The following ANK3 variants were observed in gnomAD, a reference collection of about 807,000 sequenced individuals.
ANK3 encodes the protein ankyrin 3.
A neutral mutation model predicts 370.9 loss-of-function variants in ANK3; 57 were observed. The ratio of observed to expected loss-of-function variants is 0.15; its 90% confidence interval spans 0.12 to 0.19. The LOEUF is 0.19. ANK3 is among the 10% of genes least tolerant of loss of function. The pLI, the probability that ANK3 is intolerant of heterozygous loss-of-function variation, is 1.00. For missense variants in ANK3, 4,439 were observed against 5,302.1 expected (o/e 0.84, Z 5.06); for synonymous variants, 1,929 against 1,946.3 (o/e 0.99, Z 0.23).
At chr10:60,271,046 T>C (rs2097970360) in intron 4 of ANK3, among the ~76,000 whole-genome samples, 1 of 152,128 alleles carries the variant, frequency 6.6e-6, no homozygotes, top group Non-Finnish European at 1.5e-5. Flanking sequence ...GCATATTACA[T>C]CTTTTCCTAC....
At chr10:60,260,905 A>G (rs536542759) in intron 7 of ANK3, among the ~76,000 whole-genome samples, 2 of 152,152 alleles carry the variant, frequency 1.3e-5, no homozygotes, top group East Asian at 3.9e-4. Flanking sequence ...TGAATTACCC[A>G]ATCTCAGACA....
Position 60,681,707 on chromosome 10 carries a change from T to C in ANK3, c.57+51556A>G, listed in dbSNP as rs559866036. On this transcript the variant is annotated intron_variant, in intron 1 of 43. Transcript: ENST00000373827. The stretch of plus-strand genomic sequence containing the variant: ...AAAGACAGAGACAAGAACTGTCTTG[T>C]ACACTAGTATGTCTCCAGTGCAGGG... Among the ~76,000 whole-genome samples the C allele has an allele frequency of 2.0e-5, 3 of 152,332 alleles. No homozygotes were observed. The East Asian group carries it at 5.8e-4, about 29-fold the overall frequency.
intron 1 of ANK3, among the ~76,000 whole-genome samples, chr10:60,310,982 C>T (rs1282866097): frequency 6.6e-6 from 1 of 152,156 alleles, no homozygotes; most frequent in Non-Finnish European, 1.5e-5. Context: ...GCATTCCAGC[C>T]ACCTTTAATC....
In ANK3 at chr10:60,068,816, T is replaced by G. The variant is rs764834522; in HGVS notation, c.12065A>C (p.Gln4022Pro). 2.5e-6 allele frequency: 4 copies of G among 1,614,224 alleles called. No homozygotes were observed. In the South Asian group the frequency reaches 4.4e-5, roughly 18 times the overall value. ...DRLSEEEKKM[Q>P]SELSDEEEST... ...TTCTTCCTCATCGGACAACTCGGAC[T>G]GCATCTTTTTTTCTTCTTCAGAGAG... Residue 4022 changes from glutamine (Q) to proline (P), a missense_variant, in exon 37 of 44, where the codon CAG becomes CCG. Physicochemically the swap from Gln to Pro is moderately conservative, Grantham distance 76. Transcript: ENST00000280772.
intron 1 of ANK3, among the ~76,000 whole-genome samples, chr10:60,668,664 T>C (rs1263834031): frequency 6.6e-6 from 1 of 152,114 alleles, no homozygotes; most frequent in Admixed American, 6.5e-5. Context: ...GGCTCAGCTG[T>C]TACCCTCCAG....
rs1261353700 is a variant in ANK3 at position 60,088,159 on chromosome 10, T to A, written c.3528A>T (p.Arg1176=). The A allele has an allele frequency of 6.2e-7, 1 of 1,614,002 alleles. No homozygotes were observed. The highest frequency in any genetic ancestry group is 2.2e-5 in the East Asian group (1 of 44,892). The stretch of plus-strand genomic sequence containing the variant: ...TTGTGAACATTACCTGGAGGCCCAC[T>A]CGAATTCTTTTAGTTAGGGCACCCT... ...FPEGALTKRI[R]VGLQAQPVPD... The change falls in exon 29 of 44, where the codon CGA becomes CGT. Residue 1176 remains arginine, a synonymous_variant. Coordinates refer to ENST00000280772, the MANE Select transcript of ANK3 (RefSeq NM_020987.5).
At chr10:60,499,923 T>G (rs140983824) in intron 2 of ANK3, among the ~76,000 whole-genome samples, 5 of 152,276 alleles carry the variant, frequency 3.3e-5, no homozygotes, top group African/African-American at 4.8e-5. Flanking sequence ...CCATCCTATA[T>G]CTACTGAATT....
chr10:60,482,495 ATT>A (rs67930305), intron 2 of ANK3, among the ~76,000 whole-genome samples: 4 of 150,572 alleles, frequency 2.7e-5, no homozygotes, highest in Admixed American at 2.0e-4. Flanking sequence ...CTCTAACAAC[ATT>A]TTTTTTTTAA....
At chr10:60,457,526 G>A (rs879149391) in intron 2 of ANK3, among the ~76,000 whole-genome samples, 2 of 152,116 alleles carry the variant, frequency 1.3e-5, no homozygotes, top group Admixed American at 1.3e-4. Context: ...TGTTTAGCAA[G>A]TTCCAGTGGT....
At chr10:60,107,926 A>G (rs2092360226) in intron 27 of ANK3, among the ~76,000 whole-genome samples, 1 of 152,238 alleles carries the variant, frequency 6.6e-6, no homozygotes, top group Non-Finnish European at 1.5e-5. Context: ...GGTTTACAAA[A>G]GCACGAAGTT....
chr10:60,300,425 A>ATG (rs1293937721), intron 1 of ANK3: 4 of 1,288,992 alleles, frequency 3.1e-6, no homozygotes, highest in African/African-American at 1.5e-5. Context: ...ACATCTAAAA[A>ATG]TATCTGCCTT....
intron 2 of ANK3, among the ~76,000 whole-genome samples, chr10:60,547,089 C>CTTTT (rs5785455): frequency 6.6e-5 from 8 of 120,766 alleles, no homozygotes; most frequent in African/African-American, 9.5e-5. Context: ...CAATGCAACT[C>CTTTT]TTTTTTTTTT....
chr10:60,425,396 T>G (rs1436148341), intron 2 of ANK3, among the ~76,000 whole-genome samples: 1 of 152,274 alleles, frequency 6.6e-6, no homozygotes, highest in African/African-American at 2.4e-5. Flanking sequence ...TTGGAATACG[T>G]AGTGATTCTG....
intron 2 of ANK3, among the ~76,000 whole-genome samples, chr10:60,416,180 C>T (rs757300471): frequency 4.6e-4 from 70 of 152,288 alleles, no homozygotes; most frequent in Non-Finnish European, 7.6e-4. Context: ...TCTTGGATTT[C>T]TCAGCCTCTG....
rs145721650 is a variant in ANK3, at chr10:60,486,424, C to T, written c.96+128762G>A. Among the ~76,000 whole-genome samples, 631 of 152,126 alleles carry T rather than the reference C, an allele frequency of 4.1e-3. 13 individuals carry two copies. The highest frequency in any genetic ancestry group is 8.9e-3 in the East Asian group (46 of 5,176). The stretch of plus-strand genomic sequence containing the variant: ...CAAAACCACATCTTTACTAAAAATG[C>T]AAAAAATTAGGCTGGGTGTGGTGTG... On this transcript the variant is annotated intron_variant, in intron 2 of 43. Transcript: ENST00000373827.
At position 60,073,558 on chromosome 10, in the gene ANK3, C is replaced by G. The variant is rs1168811649; in HGVS notation, c.7323G>C (p.Leu2441Phe). Residue 2441 changes from leucine to phenylalanine, a missense_variant, in exon 37 of 44, where the codon TTG becomes TTC. Coordinates refer to ENST00000280772, the MANE Select transcript of ANK3 (RefSeq NM_020987.5). ...CATGGTATTCTATTGAGTGTTGACT[C>G]AAAAGCTTCAATGTTTTATAAGAGT... ...SDDSYKTLKL[L>F]SQHSIEYHDD... The G allele has an allele frequency of 2.5e-6, 4 of 1,614,008 alleles. No homozygotes were observed. Among genetic ancestry groups the G allele is most frequent in the Non-Finnish European group, 3.4e-6 (4 of 1,180,002 alleles).
chr10:60,566,036 C>T (rs944444280), intron 2 of ANK3, among the ~76,000 whole-genome samples: 4 of 152,202 alleles, frequency 2.6e-5, no homozygotes, highest in Admixed American at 1.3e-4. Context: ...CTCTGGGTCA[C>T]ATTTTGGTAA....
Position 60,279,649 on chromosome 10 carries a change from A to T in ANK3, c.115-10T>A, listed in dbSNP as rs1179278111. On this transcript the variant is annotated splice_polypyrimidine_tract_variant and intron_variant, in intron 1 of 43. Transcript: ENST00000280772. ...TTGCATTGGCATCAGACTAAAATAA[A>T]AAAGAAACACATTTTGATGAAAAAT... 1 of 1,602,724 alleles carries T rather than the reference A, an allele frequency of 6.2e-7. No homozygotes were observed. The highest frequency in any genetic ancestry group is 1.1e-5 in the South Asian group (1 of 88,972).
At chr10:60,687,440 C>CA (rs755171739) in intron 1 of ANK3, among the ~76,000 whole-genome samples, 8 of 151,482 alleles carry the variant, frequency 5.3e-5, no homozygotes, top group Middle Eastern at 6.8e-3. Context: ...AACAGGCACA[C>CA]AAAAAAAATG....
Sources: gnomAD v4.1 joint callset for allele counts (sites outside exome capture counted in the v4.1 genomes callset) on GRCh38, gnomAD v4.1.1 for gene constraint, MANE v1.5 for transcripts, NCBI Gene and HGNC (gene_info 2026-07-23, HGNC 2026-07-21) for gene names.